The following ADGRB3 variants were observed in gnomAD, a reference collection of about 807,000 sequenced individuals.
The protein encoded by ADGRB3 is adhesion G protein-coupled receptor B3.
Under a neutral mutation model 193.4 loss-of-function variants are expected in ADGRB3, and 37 were observed. The ratio of observed to expected loss-of-function variants is 0.19; its 90% CI spans 0.15 to 0.25. The LOEUF (loss-of-function observed/expected upper bound fraction) is 0.25. Among genes scored for constraint, ADGRB3 ranks in the 10% least tolerant of loss-of-function variants. The pLI, the probability that ADGRB3 is intolerant of heterozygous loss-of-function variation, is 1.00. For missense variants in ADGRB3, 1,637 were observed against 1,852.9 expected, an observed-to-expected ratio of 0.88 and a Z score of 2.14; for synonymous variants, 690 against 644.2, an observed-to-expected ratio of 1.07 and a Z score of -1.08.
intron 3 of ADGRB3, among the ~76,000 whole-genome samples, chr6:68,835,202 C>A (rs1768023201): frequency 1.3e-5 from 2 of 152,050 alleles, no homozygotes; most frequent in South Asian, 4.1e-4. Context: ...TAAATACTTT[C>A]CATATATTCG....
At chr6:68,980,721 G>T (rs139310304) in intron 10 of ADGRB3, among the ~76,000 whole-genome samples, 5 of 151,626 alleles carry the variant, frequency 3.3e-5, no homozygotes, top group African/African-American at 1.2e-4. Flanking sequence ...CTAGCAGATG[G>T]ATTTAATTTT....
chr6:68,782,033 C>T (rs1766863525), intron 3 of ADGRB3, among the ~76,000 whole-genome samples: 1 of 151,632 alleles, frequency 6.6e-6, no homozygotes, highest in African/African-American at 2.4e-5. Flanking sequence ...AGGTTTGTTA[C>T]ATATGTATAC....
intron 20 of ADGRB3, among the ~76,000 whole-genome samples, chr6:69,273,142 C>T (rs1474586902): frequency 6.6e-6 from 1 of 152,122 alleles, no homozygotes; most frequent in African/African-American, 2.4e-5. Context: ...CTGAGGTGAT[C>T]CGCCCGCCTT....
intron 17 of ADGRB3, among the ~76,000 whole-genome samples, chr6:69,101,528 AC>A (rs1562159942): frequency 6.6e-6 from 1 of 150,946 alleles, no homozygotes; most frequent in East Asian, 1.9e-4. Flanking sequence ...AAACTGACAA[AC>A]CCTGGAAATT....
chr6:69,192,541 C>T lies in ADGRB3; in HGVS notation c.2481-40749C>T, dbSNP rs556275914. ...CCTTCAATCCAATCAAGTTGACACA[C>T]AATATTAACCATCACATTTTGTATA... On this transcript the variant is annotated intron_variant, in intron 17 of 31. Coordinates refer to ENST00000370598, the MANE Select transcript of ADGRB3 (RefSeq NM_001704.3). 9.4e-4 allele frequency among the ~76,000 whole-genome samples: 143 copies of T among 152,220 alleles called. 1 individual carries two copies. In the South Asian group the frequency reaches 0.015, roughly 16 times the overall value.
chr6:68,721,256 G>C (rs1348409711), intron 3 of ADGRB3, among the ~76,000 whole-genome samples: 1 of 151,836 alleles, frequency 6.6e-6, no homozygotes, highest in Non-Finnish European at 1.5e-5. Flanking sequence ...ACTGGATTAA[G>C]AAAATGTGGC....
At chr6:68,862,224 C>T (rs923333735) in intron 3 of ADGRB3, among the ~76,000 whole-genome samples, 1 of 151,088 alleles carries the variant, frequency 6.6e-6, no homozygotes, top group African/African-American at 2.4e-5. Context: ...CAAACCTCCT[C>T]TTTTCCAAAA....
chr6:69,380,507 A>G (rs1769924761), intron 30 of ADGRB3, among the ~76,000 whole-genome samples: 1 of 151,982 alleles, frequency 6.6e-6, no homozygotes, highest in South Asian at 2.1e-4. Context: ...GAAAGATCCC[A>G]TTGAAGGGAG....
At chr6:68,958,013 C>T (rs1411658654) in intron 8 of ADGRB3, among the ~76,000 whole-genome samples, 1 of 151,876 alleles carries the variant, frequency 6.6e-6, no homozygotes, top group Admixed American at 6.6e-5. Flanking sequence ...CCAGCCTGGC[C>T]AACGTGGCGA....
chr6:69,134,380 G>T (rs186995807), intron 17 of ADGRB3, among the ~76,000 whole-genome samples: 98 of 152,072 alleles, frequency 6.4e-4, no homozygotes, highest in Non-Finnish European at 1.1e-3. Context: ...TGTTTACACT[G>T]GCCACCACAC....
intron 13 of ADGRB3, among the ~76,000 whole-genome samples, chr6:69,035,888 G>A (rs910291379): frequency 3.3e-5 from 5 of 152,138 alleles, no homozygotes; most frequent in African/African-American, 1.2e-4. Flanking sequence ...AAAGTCGATA[G>A]AGGTGCTATT....
intron 26 of ADGRB3, among the ~76,000 whole-genome samples, chr6:69,339,794 A>G (rs192897509): frequency 5.3e-4 from 80 of 152,320 alleles, no homozygotes; most frequent in Middle Eastern, 3.4e-3. Flanking sequence ...TGATTTGTAT[A>G]AATAAGTCTT....
chr6:68,922,662 C>A (rs774759446), intron 3 of ADGRB3, among the ~76,000 whole-genome samples: 1 of 152,094 alleles, frequency 6.6e-6, no homozygotes, highest in Admixed American at 6.6e-5. Flanking sequence ...ATCATGTTCC[C>A]GGTATCTCCT....
intron 16 of ADGRB3, among the ~76,000 whole-genome samples, chr6:69,067,734 C>T (rs771705995): frequency 6.6e-5 from 10 of 152,090 alleles, no homozygotes; most frequent in Non-Finnish European, 1.3e-4. Flanking sequence ...TGAAATGCTA[C>T]TAGACAAGGA....
At chr6:68,949,617 G>C (rs914939366) in intron 6 of ADGRB3, among the ~76,000 whole-genome samples, 15 of 152,220 alleles carry the variant, frequency 9.9e-5, no homozygotes, top group African/African-American at 3.6e-4. Context: ...TTGGTTCAAA[G>C]GTCCCTGATT....
intron 30 of ADGRB3, among the ~76,000 whole-genome samples, chr6:69,381,323 G>T (rs989971876): frequency 6.6e-6 from 1 of 151,822 alleles, no homozygotes; most frequent in African/African-American, 2.4e-5. Flanking sequence ...ATAATTGCTT[G>T]CTATGTTTCA....
chr6:68,826,670 G>T (rs1360836233), intron 3 of ADGRB3, among the ~76,000 whole-genome samples: 1 of 152,212 alleles, frequency 6.6e-6, no homozygotes, highest in Non-Finnish European at 1.5e-5. Context: ...GGCTATTATA[G>T]CAACCTAGAT....
At chr6:69,162,568 T>C (rs1775026553) in intron 17 of ADGRB3, among the ~76,000 whole-genome samples, 1 of 152,084 alleles carries the variant, frequency 6.6e-6, no homozygotes, top group South Asian at 2.1e-4. Flanking sequence ...AATGCCTTTC[T>C]CTCTCTCTTT....
chr6:69,123,751 T>C (rs1396019505), intron 17 of ADGRB3, among the ~76,000 whole-genome samples: 1 of 152,164 alleles, frequency 6.6e-6, no homozygotes, highest in Non-Finnish European at 1.5e-5. Flanking sequence ...AAATACTTAC[T>C]GCAAAGGCCA....
Sources: gnomAD v4.1 joint callset for allele counts (sites outside exome capture counted in the v4.1 genomes callset) on GRCh38, gnomAD v4.1.1 for gene constraint, MANE v1.5 for transcripts, NCBI Gene and HGNC (gene_info 2026-07-23, HGNC 2026-07-21) for gene names.